ZNF516: variants seen among roughly 807,000 people sequenced by gnomAD.
ZNF516 encodes the protein zinc finger protein 516.
A neutral mutation model predicts 79.7 loss-of-function variants in ZNF516; 19 were observed. The ratio of observed to expected loss-of-function variants is 0.24; its 90% confidence interval spans 0.17 to 0.35. The LOEUF (loss-of-function observed/expected upper bound fraction) is 0.35, where lower values mean the gene tolerates loss of function less well. Among genes scored for constraint, ZNF516 ranks in the 10% least tolerant of loss-of-function variants. ZNF516 has a pLI of 1.00. For missense variants in ZNF516, 1,678 were observed against 1,679.5 expected, an observed-to-expected ratio of 1.00 and a Z score of 0.02; for synonymous variants, 877 against 739.5, an observed-to-expected ratio of 1.19 and a Z score of -3.02.
rs1353271119 is a variant in ZNF516, at chr18:76,359,535, C to G, written c.*2963G>C. Reference sequence around the variant, plus strand: ...TCATTAGCTGTGTGTTATTTGAACGCAAAAATGAGGAAGAGATATGAGCAG... The same window carrying G: ...TCATTAGCTGTGTGTTATTTGAACGGAAAAATGAGGAAGAGATATGAGCAG... On this transcript the variant is annotated 3_prime_UTR_variant, in exon 7 of 7. Transcript: ENST00000443185. The G allele has an allele frequency of 6.6e-6, 1 of 151,776 alleles. No individual in the cohort carries two copies. The highest frequency in any genetic ancestry group is 2.1e-4 in the South Asian group (1 of 4,806). The allele number at this position is 151,776 out of a possible 1,614,324, so 9.4% of individuals were successfully genotyped here. A position where few individuals can be genotyped will look rare whatever the true frequency, so the allele number is the denominator to read the frequency against.
Position 76,378,833 on chromosome 18 carries a change from A to G in ZNF516, c.3259+22T>C, listed in dbSNP as rs368557422. 1.4e-4 allele frequency: 231 copies of G among 1,600,548 alleles called. No homozygotes were observed. The African/African-American group carries it at 2.1e-3, about 15-fold the overall frequency. On this transcript the variant is annotated intron_variant, in intron 4 of 6. Transcript: ENST00000443185. ...CTGGGGGTCACATGTGGCCTGGGGA[A>G]GAGAGGGCCCGCACATCTTACCTCT...
chr18:76,404,514 A>C (rs2075274978), intron 3 of ZNF516, among the ~76,000 whole-genome samples: 1 of 151,474 alleles, frequency 6.6e-6, no homozygotes, highest in African/African-American at 2.4e-5. Context: ...TGTGCATGTG[A>C]CTGCACAAGT....
At chr18:76,385,081 C>A (rs2074965257) in intron 3 of ZNF516, among the ~76,000 whole-genome samples, 1 of 152,232 alleles carries the variant, frequency 6.6e-6, no homozygotes, top group African/African-American at 2.4e-5. Context: ...GTCCGAGCAG[C>A]CCTAGAGAAG....
At chr18:76,474,573 T>C (rs1346898997) in intron 1 of ZNF516, among the ~76,000 whole-genome samples, 5 of 152,176 alleles carry the variant, frequency 3.3e-5, no homozygotes, top group African/African-American at 1.2e-4. Context: ...AAAGCTAAAA[T>C]AAAATTCAAT....
intron 3 of ZNF516, among the ~76,000 whole-genome samples, chr18:76,381,413 C>G (rs144706778): frequency 2.1e-3 from 315 of 152,340 alleles, no homozygotes; most frequent in African/African-American, 7.0e-3. Flanking sequence ...CAGTCCCTTA[C>G]AGCCATGTCT....
intron 1 of ZNF516, among the ~76,000 whole-genome samples, chr18:76,470,699 A>T: frequency 6.6e-6 from 1 of 152,222 alleles, no homozygotes; most frequent in East Asian, 1.9e-4. Context: ...TACATACTGT[A>T]AGGCTTGCCC....
In ZNF516 at chr18:76,459,152, C is replaced by T. The variant is rs1376172048; in HGVS notation, c.-158+3876G>A. 6.6e-6 allele frequency among the ~76,000 whole-genome samples: 1 copy of T among 152,256 alleles called. No individual in the cohort carries two copies. The highest frequency in any genetic ancestry group is 1.9e-4 in the East Asian group (1 of 5,196). ...ATGTGCCTGGATTACCAGCTTCGCA[C>T]AGAGCCAGACGCTGCAGCAGTAACG... On this transcript the variant is annotated intron_variant, in intron 2 of 6. Coordinates refer to ENST00000443185, the MANE Select transcript of ZNF516 (RefSeq NM_014643.4). This position sits in a 1 kb window ranked among gnomAD's most constrained non-coding sequence, Gnocchi z 5.0.
At chr18:76,456,949 G>C (rs1310444702) in intron 2 of ZNF516, among the ~76,000 whole-genome samples, 1 of 152,192 alleles carries the variant, frequency 6.6e-6, no homozygotes, top group African/African-American at 2.4e-5. Context: ...TGTGAGGCTG[G>C]GTAAATCACG....
At chr18:76,449,280 A>T (rs1912253994) in intron 2 of ZNF516, among the ~76,000 whole-genome samples, 1 of 151,910 alleles carries the variant, frequency 6.6e-6, no homozygotes, top group South Asian at 2.1e-4. Flanking sequence ...GCTGCCCTGG[A>T]CCCCGGTGTC....
At chr18:76,382,958 C>A (rs1042405838) in intron 3 of ZNF516, among the ~76,000 whole-genome samples, 2 of 151,292 alleles carry the variant, frequency 1.3e-5, no homozygotes, top group Non-Finnish European at 2.9e-5. Context: ...TTCCCTTGAA[C>A]CCTGGAGGGG....
intron 3 of ZNF516, among the ~76,000 whole-genome samples, chr18:76,423,982 A>T (rs2075551744): frequency 7.8e-6 from 1 of 128,854 alleles, no homozygotes; most frequent in Non-Finnish European, 1.6e-5. Context: ...GGCTCCCCCG[A>T]AACACACACA....
chr18:76,388,285 A>ACT, intron 3 of ZNF516: 1 of 152,344 alleles, frequency 6.6e-6, no homozygotes, highest in South Asian at 2.1e-4. Context: ...CTGACTCTCC[A>ACT]CTGAGCTGGT....
intron 2 of ZNF516, among the ~76,000 whole-genome samples, chr18:76,454,080 G>T (rs896166720): frequency 5.3e-5 from 8 of 152,162 alleles, no homozygotes; most frequent in African/African-American, 1.7e-4. Context: ...TCAAATGAAA[G>T]AAAGAACTGT....
chr18:76,392,472 C>T (rs369295528), intron 3 of ZNF516, among the ~76,000 whole-genome samples: 1 of 144,154 alleles, frequency 6.9e-6, no homozygotes, highest in Admixed American at 6.9e-5. Flanking sequence ...AGAGCAGAGA[C>T]CAGGAAAGCA....
chr18:76,495,391 G>A (rs1000729592), upstream of ZNF516: 3 of 147,236 alleles, frequency 2.0e-5, no homozygotes, highest in Non-Finnish European at 4.5e-5. Context: ...GGCTCGGGGG[G>A]CTGCGCGGCA....
intron 3 of ZNF516, among the ~76,000 whole-genome samples, chr18:76,401,459 T>C (rs1018726998): frequency 7.3e-4 from 111 of 152,296 alleles, no homozygotes; most frequent in African/African-American, 2.3e-3. Context: ...GATCTATGAA[T>C]TCAAAATTTT....
intron 2 of ZNF516, among the ~76,000 whole-genome samples, chr18:76,458,740 G>A (rs1415686357): frequency 7.1e-6 from 1 of 140,342 alleles, no homozygotes; most frequent in Non-Finnish European, 1.6e-5. Flanking sequence ...TGTAGGCAAT[G>A]CCAGGCCTCA....
At chr18:76,424,204 AAC>A (rs2075556014) in intron 3 of ZNF516, among the ~76,000 whole-genome samples, 6 of 35,150 alleles carry the variant, frequency 1.7e-4, no homozygotes, top group African/African-American at 4.3e-4. Flanking sequence ...GCTCCCCCGA[AAC>A]ACACACTCAG....
At chr18:76,424,403 G>A (rs2075559075) in intron 3 of ZNF516, among the ~76,000 whole-genome samples, 2 of 136,898 alleles carry the variant, frequency 1.5e-5, no homozygotes, top group South Asian at 5.1e-4. Flanking sequence ...ACACACGCAG[G>A]TGAAAAGGCT....
Sources: gnomAD v4.1 joint callset for allele counts (sites outside exome capture counted in the v4.1 genomes callset) on GRCh38, gnomAD v4.1.1 for gene constraint, Gnocchi (gnomAD v3.1) non-coding constraint, MANE v1.5 for transcripts, NCBI Gene and HGNC (gene_info 2026-07-23, HGNC 2026-07-21) for gene names.